Variants in EIF3K observed in about 807,000 individuals in gnomAD.
The protein encoded by EIF3K is eIF-3 p28.
Under a neutral mutation model 34.2 loss-of-function variants are expected in EIF3K, and 27 were observed. The ratio of observed to expected loss-of-function variants is 0.79; its 90% CI spans 0.58 to 1.09. The LOEUF (loss-of-function observed/expected upper bound fraction) is 1.09, where lower values mean the gene tolerates loss of function less well. EIF3K is among the 50% of genes least tolerant of loss of function. The pLI, the probability that EIF3K is intolerant of heterozygous loss-of-function variation, is 0.00. For synonymous variants in EIF3K, 105 were observed against 105.7 expected (o/e 0.99, Z 0.04); for missense variants, 232 against 275.4 (o/e 0.84, Z 1.11).
intron 4 of EIF3K, among the ~76,000 whole-genome samples, chr19:38,627,905 C>CTTTTTTTTTTT (rs60551864): frequency 7.1e-5 from 10 of 140,248 alleles, no homozygotes; most frequent in African/African-American, 2.4e-4. Flanking sequence ...ATTTTCTTTC[C>CTTTTTTTTTTT]TTTTTTTTTT....
intron 7 of EIF3K, among the ~76,000 whole-genome samples, chr19:38,636,095 G>C (rs1161222492): frequency 6.6e-6 from 1 of 152,180 alleles, no homozygotes; most frequent in Non-Finnish European, 1.5e-5. Context: ...TGCTGTGTCG[G>C]GGTTCTCAGT....
Position 38,624,057 on chromosome 19 carries a change from T to C in EIF3K, c.159-20T>C. 1 of 1,613,802 alleles carries C rather than the reference T, an allele frequency of 6.2e-7. No individual in the cohort carries two copies. Among genetic ancestry groups the C allele is most frequent in the African/African-American group, 1.3e-5 (1 of 74,990 alleles). On this transcript the variant is annotated intron_variant, in intron 2 of 7. Transcript: ENST00000248342. Reference sequence around the variant, plus strand: ...ACTTGGAGGTGCCACTGTGGCCACGTCTCTTGTTCTTTTTCTTAGGTACCA... The same window carrying C: ...ACTTGGAGGTGCCACTGTGGCCACGCCTCTTGTTCTTTTTCTTAGGTACCA...
intron 3 of EIF3K, among the ~76,000 whole-genome samples, chr19:38,625,757 G>A (rs543998656): frequency 1.3e-5 from 2 of 152,276 alleles, no homozygotes; most frequent in South Asian, 2.1e-4. Flanking sequence ...TGATCCACCC[G>A]CCTTGGCCTC....
In EIF3K at chr19:38,624,076, G is replaced by A; in HGVS notation, c.159-1G>A. ...GCCACGTCTCTTGTTCTTTTTCTTAGGTACCAGTTCAACCCAGCCTTCTTT... is the reference window on the plus strand; with the variant it reads ...GCCACGTCTCTTGTTCTTTTTCTTAAGTACCAGTTCAACCCAGCCTTCTTT... On this transcript the variant is annotated splice_acceptor_variant, in intron 2 of 7. Transcript: ENST00000248342. LOFTEE classifies it high-confidence loss of function. 1 of 1,614,042 alleles carries A rather than the reference G, an allele frequency of 6.2e-7. No individual in the cohort carries two copies. The highest frequency in any genetic ancestry group is 8.5e-7 in the Non-Finnish European group (1 of 1,179,984).
At chr19:38,619,368 C>A (rs1050067345) in intron 1 of EIF3K, 41 bp downstream of exon 1, 1 of 1,609,664 alleles carries the variant, frequency 6.2e-7, no homozygotes, top group South Asian at 1.1e-5. Flanking sequence ...CCAAGCGGGG[C>A]GGAGGAGAGG....
rs2232999 is a variant in EIF3K, at chr19:38,620,452, C to T, written c.158+17C>T. 1.3e-3 allele frequency: 2,094 copies of T among 1,608,004 alleles called. 19 individuals are homozygous for T. Among genetic ancestry groups the T allele is most frequent in the South Asian group, 0.011 (1,025 of 90,522 alleles). ...CCTGAAGCTGTAAGTGTCTAGCTCT[C>T]TGTCTACACTCCCATTGCAGCAACT... On this transcript the variant is annotated intron_variant, in intron 2 of 7. Coordinates refer to ENST00000248342, the MANE Select transcript of EIF3K (RefSeq NM_013234.4).
chr19:38,624,539 A>C (rs1975907964), intron 3 of EIF3K, among the ~76,000 whole-genome samples: 2 of 152,264 alleles, frequency 1.3e-5, no homozygotes, highest in South Asian at 4.1e-4. Flanking sequence ...GGAGTTCGAG[A>C]CCAGCCTGGC....
intron 3 of EIF3K, among the ~76,000 whole-genome samples, chr19:38,625,225 C>A (rs376340613): frequency 6.6e-6 from 1 of 151,632 alleles, no homozygotes; most frequent in African/African-American, 2.4e-5. Flanking sequence ...AGTGCAGTGG[C>A]GTGATCTCGG....
chr19:38,619,944 A>T (rs1256460444), intron 1 of EIF3K, among the ~76,000 whole-genome samples: 1 of 152,178 alleles, frequency 6.6e-6, no homozygotes, highest in Non-Finnish European at 1.5e-5. Context: ...GTTCAGGTGG[A>T]CATGGAGGAA....
intron 3 of EIF3K, 113 bp from the exon 4 acceptor site, chr19:38,625,915 T>A: frequency 1.0e-6 from 1 of 993,954 alleles, no homozygotes; most frequent in Non-Finnish European, 1.6e-6. Context: ...CAGCTGTTTT[T>A]CTGAGCTGAA....
At chr19:38,623,433 T>G (rs1178026860) in intron 2 of EIF3K, among the ~76,000 whole-genome samples, 2 of 152,176 alleles carry the variant, frequency 1.3e-5, no homozygotes, top group African/African-American at 4.8e-5. Context: ...CCTCCCAAAG[T>G]GCTGGGATTA....
chr19:38,621,844 G>C (rs191344929), intron 2 of EIF3K, among the ~76,000 whole-genome samples: 139 of 150,524 alleles, frequency 9.2e-4, no homozygotes, highest in African/African-American at 3.1e-3. Context: ...TGTGTCACTT[G>C]TGTGGCTGTC....
intron 6 of EIF3K, among the ~76,000 whole-genome samples, chr19:38,633,151 G>C (rs1568657589): frequency 6.6e-6 from 1 of 152,120 alleles, no homozygotes; most frequent in Non-Finnish European, 1.5e-5. Context: ...TGGGTAGCCA[G>C]GGTGTATGTG....
chr19:38,623,827 C>T (rs757423262), intron 2 of EIF3K, among the ~76,000 whole-genome samples: 1 of 152,206 alleles, frequency 6.6e-6, no homozygotes, highest in Non-Finnish European at 1.5e-5. Context: ...CTGCTGTTCT[C>T]ATTTGTTTAT....
chr19:38,632,713 G>C (rs1179388731), intron 6 of EIF3K, 35 bp downstream of exon 6: 1 of 1,578,184 alleles, frequency 6.3e-7, no homozygotes, highest in Non-Finnish European at 8.6e-7. Context: ...ACATCTGGGA[G>C]GTTGGGGGTG....
chr19:38,627,559 G>A (rs910762577), intron 4 of EIF3K, among the ~76,000 whole-genome samples: 6 of 151,924 alleles, frequency 3.9e-5, no homozygotes, highest in Admixed American at 6.6e-5. Flanking sequence ...AGCTGCTCGG[G>A]AGGCTGAGGC....
chr19:38,635,225 C>A, intron 7 of EIF3K, 107 bp downstream of exon 7: 2 of 1,494,378 alleles, frequency 1.3e-6, no homozygotes, highest in South Asian at 1.2e-5. Context: ...GTGTTCTGGG[C>A]TGGGAAGTCT....
chr19:38,624,737 C>CAA (rs796560133), intron 3 of EIF3K, among the ~76,000 whole-genome samples: 2 of 138,672 alleles, frequency 1.4e-5, no homozygotes, highest in East Asian at 4.1e-4. Flanking sequence ...GACTCTGTCT[C>CAA]AAAAAAAAAA....
At chr19:38,624,579 AT>A (rs1373743713) in intron 3 of EIF3K, among the ~76,000 whole-genome samples, 1 of 152,176 alleles carries the variant, frequency 6.6e-6, no homozygotes, top group Non-Finnish European at 1.5e-5. Flanking sequence ...CTCTATTAAA[AT>A]ACAAAAAATT....
Sources: allele counts gnomAD v4.1 joint callset (sites outside exome capture counted in the v4.1 genomes callset), GRCh38; gene constraint gnomAD v4.1.1; transcripts MANE v1.5; gene names NCBI Gene and HGNC (gene_info 2026-07-23, HGNC 2026-07-21).